Variants in BRF1 observed in about 807,000 individuals in gnomAD.
The protein encoded by BRF1 is transcription factor IIIB 90 kDa subunit.
A neutral mutation model predicts 81.7 loss-of-function variants in BRF1; 59 were observed. The ratio of observed to expected loss-of-function variants is 0.72; its 90% confidence interval spans 0.59 to 0.90. BRF1 has a LOEUF of 0.90. BRF1 is among the 40% of genes least tolerant of loss of function. BRF1 has a pLI of 0.00. For synonymous variants in BRF1, 491 were observed against 395.6 expected, an observed-to-expected ratio of 1.24 and a Z score of -2.86; for missense variants, 1,050 against 936.3, an observed-to-expected ratio of 1.12 and a Z score of -1.58.
chr14:105,300,647 C>G lies in BRF1; in HGVS notation c.-18G>C. On this transcript the variant is annotated 5_prime_UTR_variant, in exon 1 of 18. Transcript: ENST00000547530. Reference sequence around the variant, plus strand: ...CCCGTCATGCCGGCGACCGCGCGGGCAGCGCCCGGAGCCTCCCAAGACTCT... The same window carrying G: ...CCCGTCATGCCGGCGACCGCGCGGGGAGCGCCCGGAGCCTCCCAAGACTCT... The G allele has an allele frequency of 7.4e-7, 1 of 1,349,550 alleles. No individual in the cohort carries two copies. Among genetic ancestry groups the G allele is most frequent in the Non-Finnish European group, 9.4e-7 (1 of 1,061,538 alleles). The allele number at this position is 1,349,550 out of a possible 1,614,324, so 83.6% of individuals were successfully genotyped here.
intron 5 of BRF1, chr14:105,250,141 C>T: frequency 1.2e-6 from 2 of 1,613,012 alleles, no homozygotes; most frequent in Non-Finnish European, 8.5e-7. Flanking sequence ...AGGAGACCCA[C>T]AGCATCTTCC....
rs781194314 is a variant in BRF1 at position 105,226,703 on chromosome 14, C to A, written c.846G>T (p.Lys282Asn). 6.2e-7 allele frequency: 1 copy of A among 1,613,724 alleles called. No homozygotes were observed. Among genetic ancestry groups the A allele is most frequent in the Non-Finnish European group, 8.5e-7 (1 of 1,180,032 alleles). Reference sequence around the variant, plus strand: ...GGTCGCACTCCTCCTCCAGGTCGATCTTCATGAACTCATCAATGGTCAACT... The same window carrying A: ...GGTCGCACTCCTCCTCCAGGTCGATATTCATGAACTCATCAATGGTCAACT... ...TSQLTIDEFM[K>N]IDLEEECDPP... Residue 282 changes from lysine (K) to asparagine (N), a missense_variant, in exon 8 of 18, where the codon AAG (lysine) becomes AAT (asparagine). Around this residue, in one of 2 missense-constraint regions of BRF1, gnomAD observed 1,043 missense variants for 915.4 expected, o/e 1.14. Transcript: ENST00000547530.
chr14:105,289,343 AC>A lies in BRF1; in HGVS notation c.185-2968del, dbSNP rs587693827. ...AGCAACACGGTGAGAACCTGTCTGA[AC>A]AAATAATAAACTAAACAGAAGCTGG... On this transcript the variant is annotated intron_variant, in intron 1 of 17. Coordinates refer to ENST00000547530, the MANE Select transcript of BRF1 (RefSeq NM_001519.4). Among the ~76,000 whole-genome samples, 348 of 152,352 alleles carry A rather than the reference AC, an allele frequency of 2.3e-3. 1 individual carries two copies. Among genetic ancestry groups the A allele is most frequent in the African/African-American group, 8.1e-3 (335 of 41,582 alleles).
At chr14:105,244,195 A>C (rs909743229) in intron 5 of BRF1, among the ~76,000 whole-genome samples, 1 of 151,368 alleles carries the variant, frequency 6.6e-6, no homozygotes, top group Admixed American at 6.6e-5. Flanking sequence ...TGAGTCCCAG[A>C]ACTTTGGGAG....
intron 5 of BRF1, among the ~76,000 whole-genome samples, chr14:105,244,434 T>C (rs1335187851): frequency 6.6e-6 from 1 of 152,142 alleles, no homozygotes; most frequent in Admixed American, 6.6e-5. Flanking sequence ...ACTGACACCA[T>C]GTCTCAAAAC....
Position 105,219,732 on chromosome 14 carries a change from A to T in BRF1, c.1377+337T>A, listed in dbSNP as rs149325491. Reference sequence around the variant, plus strand: ...GTTTGGGGGCGCACAGCGCATGTGGAGTCAGTGGGTGCCCTCTTGTGTCTA... The same window carrying T: ...GTTTGGGGGCGCACAGCGCATGTGGTGTCAGTGGGTGCCCTCTTGTGTCTA... On this transcript the variant is annotated intron_variant, in intron 12 of 17. Coordinates refer to ENST00000547530, the MANE Select transcript of BRF1 (RefSeq NM_001519.4). 513 of 462,908 alleles carry T rather than the reference A, an allele frequency of 1.1e-3. 3 individuals carry two copies. Among genetic ancestry groups the T allele is most frequent in the African/African-American group, 9.0e-3 (465 of 51,584 alleles). 28.7% of individuals were successfully genotyped at this position (462,908 alleles called of 1,614,324 possible). A position where few individuals can be genotyped will look rare whatever the true frequency, so the allele number is the denominator to read the frequency against.
At chr14:105,305,206 G>A (rs587615749), upstream of BRF1, among the ~76,000 whole-genome samples, 1 of 152,154 alleles carries the variant, frequency 6.6e-6, no homozygotes, top group South Asian at 2.1e-4. Context: ...TTTGAGACCA[G>A]CCTAAGCAAC....
At chr14:105,258,136 G>A (rs966963288) in intron 3 of BRF1, among the ~76,000 whole-genome samples, 2 of 152,256 alleles carry the variant, frequency 1.3e-5, no homozygotes, top group Admixed American at 1.3e-4. Flanking sequence ...TGAAGGGGGT[G>A]TATGGGAACT....
intron 4 of BRF1, among the ~76,000 whole-genome samples, chr14:105,255,246 G>A (rs2090120933): frequency 2.0e-5 from 3 of 152,272 alleles, no homozygotes; most frequent in South Asian, 2.1e-4. Context: ...GGGTCATGTG[G>A]TTTTGCCCTG....
In BRF1 at chr14:105,256,622, A is replaced by G. The variant is rs750185292; in HGVS notation, c.440-73T>C. On this transcript the variant is annotated intron_variant, in intron 3 of 17. Transcript: ENST00000547530. ...ACTCGCCCACCTTCAAATGGGCAGGACCGCAGGACTGCACCTGCAGGGAGC... is the reference window on the plus strand; with the variant it reads ...ACTCGCCCACCTTCAAATGGGCAGGGCCGCAGGACTGCACCTGCAGGGAGC... 2.1e-5 allele frequency: 34 copies of G among 1,581,714 alleles called. No homozygotes were observed. The East Asian group carries it at 5.0e-4, about 23-fold the overall frequency.
At chr14:105,252,448 G>C in intron 5 of BRF1, 59 bp downstream of exon 5, 1 of 1,581,538 alleles carries the variant, frequency 6.3e-7, no homozygotes, top group Non-Finnish European at 8.6e-7. Flanking sequence ...AAGGACATTT[G>C]GCACGCTGGT....
chr14:105,303,960 A>G (rs587642868), upstream of BRF1, among the ~76,000 whole-genome samples: 132 of 152,348 alleles, frequency 8.7e-4, no homozygotes, highest in Non-Finnish European at 1.3e-3. Context: ...CCAGAATCCA[A>G]TCTGAGGCCA....
In BRF1 at chr14:105,228,923, A is replaced by G. The variant is rs2054252115; in HGVS notation, c.695-10T>C. The G allele has an allele frequency of 6.2e-7, 1 of 1,613,026 alleles. No homozygotes were observed. Among genetic ancestry groups the G allele is most frequent in the Admixed American group, 1.7e-5 (1 of 60,004 alleles). On this transcript the variant is annotated splice_polypyrimidine_tract_variant and intron_variant, in intron 6 of 17. Transcript: ENST00000547530. The stretch of plus-strand genomic sequence containing the variant: ...GCTGCAACCAGGAGCGCTGGAAGGC[A>G]ACGAGACGGGCCTCGTCAACCACGG...
At chr14:105,253,067 C>T (rs1024676979) in intron 4 of BRF1, among the ~76,000 whole-genome samples, 1 of 152,254 alleles carries the variant, frequency 6.6e-6, no homozygotes. Flanking sequence ...AGGTCCAAAT[C>T]CACACAGATC....
intron 13 of BRF1, 26 bp downstream of exon 13, chr14:105,219,125 T>A: frequency 1.2e-6 from 2 of 1,613,114 alleles, no homozygotes; most frequent in Non-Finnish European, 1.7e-6. Flanking sequence ...GCGTCCTGCG[T>A]GTGAGTGTGG....
chr14:105,228,738 G>A (rs1383230272), intron 7 of BRF1, 82 bp downstream of exon 7: 26 of 1,500,470 alleles, frequency 1.7e-5, no homozygotes, highest in Non-Finnish European at 2.4e-5. Flanking sequence ...CCCGGGAGGT[G>A]GCGCCTGCTC....
chr14:105,228,857 T>C lies in BRF1; in HGVS notation c.751A>G (p.Ser251Gly), dbSNP rs756206546. ...DFRRTVKEVI[S>G]VVKVCESTLR... ...GTGGACTCACACACTTTGACCACAC[T>C]GATGACCTCCTTCACAGTCCTCCTG... Residue 251 changes from serine to glycine, a missense_variant, in exon 7 of 18, where the codon AGT becomes GGT. Coordinates refer to ENST00000547530, the MANE Select transcript of BRF1 (RefSeq NM_001519.4). The C allele has an allele frequency of 8.1e-6, 13 of 1,613,918 alleles. No individual in the cohort carries two copies. The highest frequency in any genetic ancestry group is 1.1e-5 in the Non-Finnish European group (13 of 1,180,018).
Position 105,209,474 on chromosome 14 carries a change from G to C in BRF1, c.*1077C>G. ...CATGGGGAGGATGAGGCCCCTGGGG[G>C]TCAGTGAGGCACGGCTCTGCCTCAA... is the stretch of plus-strand genomic sequence containing the variant. On this transcript the variant is annotated 3_prime_UTR_variant, in exon 18 of 18. Coordinates refer to ENST00000547530, the MANE Select transcript of BRF1 (RefSeq NM_001519.4). 1.4e-6 allele frequency: 1 copy of C among 700,458 alleles called. No individual in the cohort carries two copies. Among genetic ancestry groups the C allele is most frequent in the East Asian group, 2.7e-5 (1 of 37,210 alleles). 43.4% of individuals were successfully genotyped at this position (700,458 alleles called of 1,614,324 possible).
chr14:105,249,685 G>A (rs376389871), intron 5 of BRF1: 1 of 1,613,528 alleles, frequency 6.2e-7, no homozygotes, highest in Non-Finnish European at 8.5e-7. Context: ...ACACGGTGCT[G>A]GCCACTCTGT....
Sources: allele counts gnomAD v4.1 joint callset (sites outside exome capture counted in the v4.1 genomes callset), GRCh38; gene constraint gnomAD v4.1.1; regional missense constraint gnomAD v4.1.1; transcripts MANE v1.5; gene names NCBI Gene and HGNC (gene_info 2026-07-23, HGNC 2026-07-21).